SORCS1: variants seen among roughly 807,000 people sequenced by gnomAD.
SORCS1 encodes the protein VPS10 domain-containing receptor SorCS1.
SORCS1 carries 60 observed loss-of-function variants against 146.1 expected under a neutral mutation model. The ratio of observed to expected loss-of-function variants is 0.41; its 90% CI spans 0.33 to 0.51. The LOEUF (loss-of-function observed/expected upper bound fraction) is 0.51, where lower values mean the gene tolerates loss of function less well. Among genes scored for constraint, SORCS1 ranks in the 20% least tolerant of loss-of-function variants. The pLI is 0.21. For missense variants in SORCS1, 1,352 were observed against 1,487.6 expected (o/e 0.91, Z 1.50); for synonymous variants, 637 against 584.0 (o/e 1.09, Z -1.31).
intron 2 of SORCS1, among the ~76,000 whole-genome samples, chr10:106,896,260 C>T (rs1951471580): frequency 1.3e-5 from 2 of 151,940 alleles, no homozygotes; most frequent in African/African-American, 2.4e-5. Flanking sequence ...GAAACCTCAT[C>T]TCTACTAAAA....
intron 1 of SORCS1, among the ~76,000 whole-genome samples, chr10:107,014,542 C>T (rs56205911): frequency 0.018 from 2,788 of 152,136 alleles, 38 homozygotes; most frequent in Non-Finnish European, 0.027. Flanking sequence ...AAAATGGAAC[C>T]GAATTCCCTT....
chr10:107,110,513 G>T (rs1455870904), intron 1 of SORCS1, among the ~76,000 whole-genome samples: 1 of 151,790 alleles, frequency 6.6e-6, no homozygotes, highest in African/African-American at 2.4e-5. Flanking sequence ...GGGAGGAGGG[G>T]CTACAGACTT....
chr10:106,682,587 T>C (rs1049639507), intron 10 of SORCS1, among the ~76,000 whole-genome samples: 3 of 152,218 alleles, frequency 2.0e-5, no homozygotes, highest in Non-Finnish European at 4.4e-5. Context: ...TTTATTATAA[T>C]GCTTATCAAA....
At chr10:106,928,179 G>A (rs1350974480) in intron 2 of SORCS1, among the ~76,000 whole-genome samples, 1 of 152,202 alleles carries the variant, frequency 6.6e-6, no homozygotes, top group African/African-American at 2.4e-5. Flanking sequence ...GGGGAGGCTC[G>A]GGCCGCACAG....
At chr10:106,911,083 C>T (rs1441487714) in intron 2 of SORCS1, among the ~76,000 whole-genome samples, 1 of 152,168 alleles carries the variant, frequency 6.6e-6, no homozygotes, top group East Asian at 1.9e-4. Flanking sequence ...TCATTTGGAC[C>T]AGTTCACAGA....
chr10:106,932,199 T>C (rs187739309), intron 2 of SORCS1, among the ~76,000 whole-genome samples: 3 of 152,310 alleles, frequency 2.0e-5, no homozygotes, highest in South Asian at 2.1e-4. Context: ...AGTATTAATA[T>C]AGTCTACAAA....
At chr10:107,027,470 T>TCAGCGTGG (rs1190934622) in intron 1 of SORCS1, among the ~76,000 whole-genome samples, 1 of 152,174 alleles carries the variant, frequency 6.6e-6, no homozygotes, top group Non-Finnish European at 1.5e-5. Flanking sequence ...TCCGTGTAAC[T>TCAGCGTGG]CAGCGTGGCA....
rs1313171111 is a variant in SORCS1 at position 107,060,988 on chromosome 10, CT to C, written c.558+102980del. 1.3e-5 allele frequency among the ~76,000 whole-genome samples: 2 copies of C among 152,102 alleles called. No individual in the cohort carries two copies. The highest frequency in any genetic ancestry group is 2.9e-5 in the Non-Finnish European group (2 of 68,014). On this transcript the variant is annotated intron_variant, in intron 1 of 25. Transcript: ENST00000263054. This position sits in a 1 kb window ranked among gnomAD's most constrained non-coding sequence, Gnocchi z 4.1. The stretch of plus-strand genomic sequence containing the variant: ...TAAAAAAATTTATCTTCTGTTTCTA[CT>C]CCAGCCAGATATATCTATGAGTAAA...
intron 1 of SORCS1, among the ~76,000 whole-genome samples, chr10:106,988,734 T>TA (rs1477708118): frequency 6.6e-6 from 1 of 151,932 alleles, no homozygotes; most frequent in Admixed American, 6.6e-5. Context: ...CTACAATAAA[T>TA]AAAAAATCAG....
chr10:107,000,105 C>T (rs1400299614), intron 1 of SORCS1, among the ~76,000 whole-genome samples: 1 of 152,166 alleles, frequency 6.6e-6, no homozygotes, highest in Non-Finnish European at 1.5e-5. Flanking sequence ...ATCACCCTCT[C>T]CCCATCAGCA....
At chr10:106,963,576 G>A (rs148302617) in intron 1 of SORCS1, among the ~76,000 whole-genome samples, 1 of 151,806 alleles carries the variant, frequency 6.6e-6, no homozygotes, top group African/African-American at 2.4e-5. Context: ...ATTCTTTTGG[G>A]GACCCAAGAA....
At chr10:107,088,717 G>A (rs1963953385) in intron 1 of SORCS1, among the ~76,000 whole-genome samples, 1 of 152,182 alleles carries the variant, frequency 6.6e-6, no homozygotes, top group Non-Finnish European at 1.5e-5. Context: ...GTTAGCATGT[G>A]TCTCCTACTC....
chr10:106,899,307 T>C (rs979899108), intron 2 of SORCS1, among the ~76,000 whole-genome samples: 4 of 152,166 alleles, frequency 2.6e-5, no homozygotes, highest in Non-Finnish European at 5.9e-5. Flanking sequence ...ATTCTCTATG[T>C]AGACTGAGAA....
chr10:106,942,972 A>G (rs1485746177), intron 2 of SORCS1, among the ~76,000 whole-genome samples: 1 of 151,838 alleles, frequency 6.6e-6, no homozygotes, highest in East Asian at 1.9e-4. Context: ...TCTTCCTTTT[A>G]TTTCCCTTCA....
chr10:106,701,282 T>C, intron 8 of SORCS1, among the ~76,000 whole-genome samples: 1 of 152,192 alleles, frequency 6.6e-6, no homozygotes, highest in East Asian at 1.9e-4. Context: ...CCCTCTCAGA[T>C]ATATTTCTAT....
chr10:107,143,654 C>T (rs1235440301), intron 1 of SORCS1, among the ~76,000 whole-genome samples: 1 of 152,124 alleles, frequency 6.6e-6, no homozygotes, highest in Non-Finnish European at 1.5e-5. Context: ...CAGGCACGCG[C>T]CACCACACCA....
chr10:106,868,707 CATT>C (rs1316849547), intron 2 of SORCS1, among the ~76,000 whole-genome samples: 1 of 152,040 alleles, frequency 6.6e-6, no homozygotes, highest in Admixed American at 6.5e-5. Flanking sequence ...TTAAGAAAGA[CATT>C]AATTTCTGCA....
intron 2 of SORCS1, among the ~76,000 whole-genome samples, chr10:106,948,349 G>A (rs559707615): frequency 7.6e-4 from 115 of 151,744 alleles, no homozygotes; most frequent in Non-Finnish European, 1.3e-3. Flanking sequence ...CATTACTTTT[G>A]TGATTTTTTT....
intron 24 of SORCS1, 103 bp downstream of exon 24, chr10:106,597,248 G>T: frequency 2.3e-6 from 2 of 884,988 alleles, no homozygotes; most frequent in Non-Finnish European, 3.7e-6. Context: ...TTTGATTTCT[G>T]ATTAGCATTG....
Sources: allele counts gnomAD v4.1 joint callset (sites outside exome capture counted in the v4.1 genomes callset), GRCh38; gene constraint gnomAD v4.1.1; non-coding constraint Gnocchi (gnomAD v3.1); transcripts MANE v1.5; gene names NCBI Gene and HGNC (gene_info 2026-07-23, HGNC 2026-07-21).